The following PPP3R1 variants were observed in gnomAD, a reference collection of about 807,000 sequenced individuals.
The protein encoded by PPP3R1 is calcineurin subunit B type 1.
Under a neutral mutation model 22.6 loss-of-function variants are expected in PPP3R1, and 5 were observed. The ratio of observed to expected loss-of-function variants is 0.22; its 90% CI spans 0.12 to 0.46. PPP3R1 has a LOEUF of 0.46. Ranked by LOEUF, PPP3R1 falls within the 20% of genes least tolerant of loss-of-function variation. The pLI is 0.99. For synonymous variants in PPP3R1, 56 were observed against 65.2 expected (o/e 0.86, Z 0.68); for missense variants, 61 against 203.2 (o/e 0.30, Z 4.25).
In PPP3R1 at chr2:68,225,306, A is replaced by C. The variant is rs146141061; in HGVS notation, c.4-8175T>G. 3.7e-3 allele frequency among the ~76,000 whole-genome samples: 559 copies of C among 152,352 alleles called. 6 individuals carry two copies. Among genetic ancestry groups the C allele is most frequent in the Admixed American group, 8.0e-3 (123 of 15,304 alleles). Reference sequence around the variant, plus strand: ...TTTCCCTGTGTGGTCTAAGAAGGTGAAAATGAAAGAGTCAAAGCAGGAGAG... The same window carrying C: ...TTTCCCTGTGTGGTCTAAGAAGGTGCAAATGAAAGAGTCAAAGCAGGAGAG... On this transcript the variant is annotated intron_variant, in intron 1 of 5. Coordinates refer to ENST00000234310, the MANE Select transcript of PPP3R1 (RefSeq NM_000945.4).
chr2:68,186,756 T>A, intron 4 of PPP3R1, 104 bp from the exon 5 acceptor site: 1 of 1,042,838 alleles, frequency 9.6e-7, no homozygotes. Flanking sequence ...AAATTATGAC[T>A]ATGAGGATGT....
intron 2 of PPP3R1, among the ~76,000 whole-genome samples, chr2:68,216,706 A>C (rs113397159): frequency 6.6e-6 from 1 of 152,144 alleles, no homozygotes; most frequent in African/African-American, 2.4e-5. Flanking sequence ...GGGAATAAGC[A>C]TTAGAGATGG....
chr2:68,227,133 A>C (rs1429270602), intron 1 of PPP3R1, among the ~76,000 whole-genome samples: 1 of 152,032 alleles, frequency 6.6e-6, no homozygotes, highest in Non-Finnish European at 1.5e-5. Flanking sequence ...ATTCTTTCAA[A>C]CCTTGTCACT....
intron 1 of PPP3R1, among the ~76,000 whole-genome samples, chr2:68,240,878 G>C (rs1405067502): frequency 6.6e-6 from 1 of 152,090 alleles, no homozygotes; most frequent in East Asian, 1.9e-4. Context: ...AGAGAGTCTT[G>C]GACCAAACCT....
At chr2:68,217,039 CAGAG>C (rs1553407218) in intron 2 of PPP3R1, 49 bp downstream of exon 2, 22 of 1,085,470 alleles carry the variant, frequency 2.0e-5, no homozygotes, top group Admixed American at 1.1e-4. Context: ...CACACACACA[CAGAG>C]AGAGATGAGT....
intron 1 of PPP3R1, among the ~76,000 whole-genome samples, chr2:68,243,726 TTC>T (rs1313431322): frequency 6.6e-6 from 1 of 152,148 alleles, no homozygotes; most frequent in Non-Finnish European, 1.5e-5. Context: ...TATCAATTAT[TTC>T]TGACTCATTG....
chr2:68,249,574 A>C (rs1316583287), intron 1 of PPP3R1, among the ~76,000 whole-genome samples: 1 of 152,240 alleles, frequency 6.6e-6, no homozygotes, highest in Non-Finnish European at 1.5e-5. Flanking sequence ...CTATTTCAAC[A>C]AAAACATATA....
intron 2 of PPP3R1, among the ~76,000 whole-genome samples, chr2:68,196,142 A>C (rs974329318): frequency 6.6e-6 from 1 of 152,214 alleles, no homozygotes; most frequent in Non-Finnish European, 1.5e-5. Flanking sequence ...GCTTGTACTG[A>C]ATAACTCCTG....
At chr2:68,231,546 T>G (rs976874846) in intron 1 of PPP3R1, among the ~76,000 whole-genome samples, 2 of 152,198 alleles carry the variant, frequency 1.3e-5, no homozygotes, top group Non-Finnish European at 2.9e-5. Context: ...ATCACACAAG[T>G]GCTTGTTTTT....
At chr2:68,199,510 A>G (rs1674913040) in intron 2 of PPP3R1, among the ~76,000 whole-genome samples, 2 of 152,192 alleles carry the variant, frequency 1.3e-5, no homozygotes, top group African/African-American at 4.8e-5. Flanking sequence ...GAAGTGGTCA[A>G]GAGTGGAAAA....
intron 2 of PPP3R1, among the ~76,000 whole-genome samples, chr2:68,197,421 A>C (rs1272196600): frequency 1.3e-5 from 2 of 152,192 alleles, no homozygotes; most frequent in Non-Finnish European, 2.9e-5. Context: ...CAATTTGTTT[A>C]TGCATTCATC....
At chr2:68,237,537 C>G (rs17035141) in intron 1 of PPP3R1, among the ~76,000 whole-genome samples, 1,845 of 152,144 alleles carry the variant, frequency 0.012, 29 homozygotes, top group African/African-American at 0.042. Flanking sequence ...TGAACAATTA[C>G]TTGACATTAT....
At chr2:68,241,105 C>A (rs766163351) in intron 1 of PPP3R1, among the ~76,000 whole-genome samples, 1 of 152,134 alleles carries the variant, frequency 6.6e-6, no homozygotes, top group African/African-American at 2.4e-5. Flanking sequence ...CCACTGGGAA[C>A]TGGTCCCATT....
intron 2 of PPP3R1, among the ~76,000 whole-genome samples, chr2:68,215,301 T>C (rs958830630): frequency 5.3e-5 from 8 of 151,884 alleles, no homozygotes; most frequent in Non-Finnish European, 8.8e-5. Flanking sequence ...AAAAAAAACA[T>C]GAGGTACACC....
At chr2:68,209,380 A>C (rs1228498563) in intron 2 of PPP3R1, among the ~76,000 whole-genome samples, 1 of 136,708 alleles carries the variant, frequency 7.3e-6, no homozygotes, top group Non-Finnish European at 1.6e-5. Flanking sequence ...AAAAAAAAAA[A>C]AAAAAAAAAA....
chr2:68,247,808 T>C (rs1244351085), intron 1 of PPP3R1, among the ~76,000 whole-genome samples: 1 of 152,228 alleles, frequency 6.6e-6, no homozygotes, highest in East Asian at 1.9e-4. Context: ...CGCCTAAATG[T>C]ATCTCCTGTA....
intron 2 of PPP3R1, among the ~76,000 whole-genome samples, chr2:68,216,658 C>T (rs887910163): frequency 6.6e-6 from 1 of 151,978 alleles, no homozygotes; most frequent in South Asian, 2.1e-4. Flanking sequence ...AAAGCACTGC[C>T]GACAGGTCCT....
At chr2:68,228,376 G>A (rs964124649) in intron 1 of PPP3R1, among the ~76,000 whole-genome samples, 29 of 152,234 alleles carry the variant, frequency 1.9e-4, no homozygotes, top group African/African-American at 7.0e-4. Flanking sequence ...AGGAAACAGG[G>A]CTACTCAAAT....
At chr2:68,184,166 C>T (rs941147611) in intron 5 of PPP3R1, among the ~76,000 whole-genome samples, 2 of 152,172 alleles carry the variant, frequency 1.3e-5, no homozygotes, top group Admixed American at 1.3e-4. Context: ...GTAGGGAAGG[C>T]GATCTTGTGT....
Sources: gnomAD v4.1 joint callset for allele counts (sites outside exome capture counted in the v4.1 genomes callset) on GRCh38, gnomAD v4.1.1 for gene constraint, MANE v1.5 for transcripts, NCBI Gene and HGNC (gene_info 2026-07-23, HGNC 2026-07-21) for gene names.